ERBB4: variants seen among roughly 807,000 people sequenced by gnomAD.
ERBB4 encodes erb-b2 receptor tyrosine kinase 4.
A neutral mutation model predicts 158.0 loss-of-function variants in ERBB4; 42 were observed. That is an observed-to-expected ratio of 0.27 (90% CI 0.21 to 0.34). The LOEUF is 0.34. ERBB4 is among the 10% of genes least tolerant of loss of function. The pLI is 1.00. For missense variants in ERBB4, 1,333 were observed against 1,624.1 expected, an observed-to-expected ratio of 0.82 and a Z score of 3.08; for synonymous variants, 583 against 558.7, an observed-to-expected ratio of 1.04 and a Z score of -0.61.
chr2:212,121,566 T>G (rs1161542056), intron 2 of ERBB4, among the ~76,000 whole-genome samples: 1 of 152,176 alleles, frequency 6.6e-6, no homozygotes, highest in African/African-American at 2.4e-5. Context: ...CTCCATTGAC[T>G]ACCTTATCCA....
intron 1 of ERBB4, among the ~76,000 whole-genome samples, chr2:212,239,990 C>A (rs2084023349): frequency 6.6e-6 from 1 of 152,022 alleles, no homozygotes; most frequent in Non-Finnish European, 1.5e-5. Context: ...TTCTAAAATC[C>A]AAATCTTAGA....
chr2:211,848,623 T>C (rs2077646509), intron 3 of ERBB4, among the ~76,000 whole-genome samples: 1 of 152,064 alleles, frequency 6.6e-6, no homozygotes, highest in African/African-American at 2.4e-5. Context: ...TATTCAAAGA[T>C]GTCAGTCTTA....
chr2:211,899,733 T>A (rs145569149), intron 3 of ERBB4, among the ~76,000 whole-genome samples: 1 of 152,144 alleles, frequency 6.6e-6, no homozygotes, highest in Non-Finnish European at 1.5e-5. Flanking sequence ...AAAGTAATGG[T>A]TCTGGTAACC....
chr2:211,430,186 GT>G (rs565887557), intron 21 of ERBB4, among the ~76,000 whole-genome samples: 1 of 151,126 alleles, frequency 6.6e-6, no homozygotes, highest in African/African-American at 2.4e-5. Flanking sequence ...GAATAACTGG[GT>G]TTTTTTTTGT....
intron 1 of ERBB4, among the ~76,000 whole-genome samples, chr2:212,254,551 C>T (rs2084655601): frequency 6.6e-6 from 1 of 152,154 alleles, no homozygotes; most frequent in Admixed American, 6.6e-5. Context: ...GAACAAACCC[C>T]CTCAGGGCAG....
chr2:212,209,246 A>G (rs1049481510), intron 1 of ERBB4, among the ~76,000 whole-genome samples: 12 of 152,202 alleles, frequency 7.9e-5, no homozygotes, highest in Non-Finnish European at 1.5e-4. Context: ...TAATAGCAAT[A>G]TAGAACTGAA....
chr2:211,876,510 C>G (rs1262691604), intron 3 of ERBB4, among the ~76,000 whole-genome samples: 1 of 152,066 alleles, frequency 6.6e-6, no homozygotes, highest in Admixed American at 6.6e-5. Context: ...ATACTTTTCC[C>G]TCATGAATGT....
intron 15 of ERBB4, among the ~76,000 whole-genome samples, chr2:211,662,526 C>T (rs189881060): frequency 6.6e-6 from 1 of 152,272 alleles, no homozygotes; most frequent in Non-Finnish European, 1.5e-5. Flanking sequence ...CTGAATTTTC[C>T]TATCACTGTA....
intron 4 of ERBB4, among the ~76,000 whole-genome samples, chr2:211,762,787 T>A (rs2075448051): frequency 6.6e-6 from 1 of 152,108 alleles, no homozygotes; most frequent in Admixed American, 6.5e-5. Flanking sequence ...ATGGCAACAG[T>A]TCTAAACTGT....
chr2:211,980,716 TC>T, intron 2 of ERBB4, among the ~76,000 whole-genome samples: 1 of 152,296 alleles, frequency 6.6e-6, no homozygotes, highest in East Asian at 1.9e-4. Context: ...AATACATACA[TC>T]TTTATTTTAT....
intron 2 of ERBB4, among the ~76,000 whole-genome samples, chr2:212,059,980 G>T (rs568459012): frequency 1.3e-5 from 2 of 152,244 alleles, no homozygotes; most frequent in South Asian, 2.1e-4. Flanking sequence ...CACAGCAAAA[G>T]AAAATACCAT....
At chr2:212,530,218 A>G (rs1429475447) in intron 1 of ERBB4, among the ~76,000 whole-genome samples, 1 of 152,194 alleles carries the variant, frequency 6.6e-6, no homozygotes, top group Non-Finnish European at 1.5e-5. Context: ...GATGATGCTT[A>G]TAAAAATCTT....
chr2:211,882,707 G>T (rs1477117065), intron 3 of ERBB4, among the ~76,000 whole-genome samples: 1 of 152,196 alleles, frequency 6.6e-6, no homozygotes, highest in Non-Finnish European at 1.5e-5. Flanking sequence ...ATAAGGTTGA[G>T]AATCTGAAGT....
chr2:212,059,944 G>T (rs1026191212), intron 2 of ERBB4, among the ~76,000 whole-genome samples: 26 of 152,146 alleles, frequency 1.7e-4, no homozygotes, highest in Non-Finnish European at 2.2e-4. Context: ...TGACAAATGG[G>T]ATCTAATTAA....
chr2:212,300,187 T>C (rs1318050462), intron 1 of ERBB4, among the ~76,000 whole-genome samples: 1 of 151,584 alleles, frequency 6.6e-6, no homozygotes, highest in Non-Finnish European at 1.5e-5. Flanking sequence ...CACTGAACCA[T>C]TGTTGGAGAT....
Position 212,523,175 on chromosome 2 carries a change from G to A in ERBB4, c.82+15274C>T, listed in dbSNP as rs879724411. Among the ~76,000 whole-genome samples, 10 of 151,830 alleles carry A rather than the reference G, an allele frequency of 6.6e-5. No individual in the cohort carries two copies. The East Asian group carries it at 7.7e-4, about 12-fold the overall frequency. ...AAAGGTCTACTTTATTTGTAATTACGCCAGGCATGCATATGTACATCTGTC... is the reference window on the plus strand; with the variant it reads ...AAAGGTCTACTTTATTTGTAATTACACCAGGCATGCATATGTACATCTGTC... On this transcript the variant is annotated intron_variant, in intron 1 of 27. Coordinates refer to ENST00000342788, the MANE Select transcript of ERBB4 (RefSeq NM_005235.3).
chr2:212,154,564 G>C (rs2080975708), intron 1 of ERBB4, among the ~76,000 whole-genome samples: 1 of 152,124 alleles, frequency 6.6e-6, no homozygotes, highest in African/African-American at 2.4e-5. Flanking sequence ...AGTTACTGTT[G>C]AGTGGCACTT....
chr2:211,503,807 C>T (rs1217329671), intron 20 of ERBB4, among the ~76,000 whole-genome samples: 4 of 152,114 alleles, frequency 2.6e-5, no homozygotes, highest in Non-Finnish European at 5.9e-5. Flanking sequence ...GCTTCCTCCT[C>T]TGCCTGGAGG....
chr2:212,161,490 G>T (rs1320610578), intron 1 of ERBB4, among the ~76,000 whole-genome samples: 1 of 151,788 alleles, frequency 6.6e-6, no homozygotes, highest in Admixed American at 6.6e-5. Flanking sequence ...TAAAATGAAA[G>T]AGCAGGAAAA....
Sources: allele counts gnomAD v4.1 joint callset (sites outside exome capture counted in the v4.1 genomes callset), GRCh38; gene constraint gnomAD v4.1.1; transcripts MANE v1.5; gene names NCBI Gene and HGNC (gene_info 2026-07-23, HGNC 2026-07-21).